Variants in BAHCC1 observed in about 807,000 individuals in gnomAD.
The protein encoded by BAHCC1 is BAH and coiled-coil domain-containing protein 1.
BAHCC1 carries 43 observed loss-of-function variants against 88.2 expected under a neutral mutation model. The observed-to-expected ratio is 0.49, with a 90% CI of 0.38 to 0.63. The LOEUF (loss-of-function observed/expected upper bound fraction) is 0.63, where lower values mean the gene tolerates loss of function less well. Among genes scored for constraint, BAHCC1 ranks in the 20% least tolerant of loss-of-function variants. BAHCC1 has a pLI of 0.00. For missense variants in BAHCC1, 3,023 were observed against 1,654.8 expected (o/e 1.83, Z -14.34); for synonymous variants, 1,510 against 745.5 (o/e 2.03, Z -16.71).
In BAHCC1 at chr17:81,405,771, A is replaced by T. The variant is rs1208309499; in HGVS notation, c.178+5854A>T. 2.0e-5 allele frequency among the ~76,000 whole-genome samples: 3 copies of T among 152,122 alleles called. No homozygotes were observed. The South Asian group carries it at 6.2e-4, about 31-fold the overall frequency. ...GCTTCCTCCCTACCATAAATACCTG[A>T]ATATAGGCCCATAACAAATGGGACC... On this transcript the variant is annotated intron_variant, in intron 2 of 27. Transcript: ENST00000675386.
Position 81,463,717 on chromosome 17 carries a change from G to C in BAHCC1, c.7727G>C (p.Arg2576Pro), listed in dbSNP as rs374906493. Residue 2576 changes from arginine (R) to proline (P), a missense_variant, in exon 28 of 28, where the codon CGC becomes CCC. Physicochemically the swap from Arg to Pro is moderately radical, Grantham distance 103. Coordinates refer to ENST00000675386, the MANE Select transcript of BAHCC1 (RefSeq NM_001377448.1). The part of the protein sequence containing the change: ...REQYEQMARS[R>P]KCQDRQDLYY... ...CAGTATGAGCAGATGGCCCGGAGCC[G>C]CAAGTGCCAGGACCGGCAGGACCTC... The C allele has an allele frequency of 9.0e-6, 7 of 779,258 alleles. No individual in the cohort carries two copies. Among genetic ancestry groups the C allele is most frequent in the Admixed American group, 3.4e-5 (2 of 59,000 alleles). 48.3% of individuals were successfully genotyped at this position (779,258 alleles called of 1,614,324 possible).
At chr17:81,413,298 CT>C in intron 2 of BAHCC1, 1 of 220,758 alleles carries the variant, frequency 4.5e-6, no homozygotes, top group Non-Finnish European at 9.5e-6. Context: ...CCTCGGCCTC[CT>C]TCCCTGTGAC....
rs368421163 is a variant in BAHCC1 at position 81,399,909 on chromosome 17, C to T, written c.170C>T (p.Ser57Leu). The T allele has an allele frequency of 1.4e-6, 2 of 1,443,800 alleles. No individual in the cohort carries two copies. The highest frequency in any genetic ancestry group is 3.0e-5 in the African/African-American group (2 of 67,316). The allele number at this position is 1,443,800 out of a possible 1,614,324, so 89.4% of individuals were successfully genotyped here. ...TTCCCGTCGCCGTTGCCCATGGCTT[C>T]GCACACAGGTCAGTGCTCGGCCGGG... Reference protein sequence around the residue: ...KYFPSPLPMASHTASSRLMGS... With the variant: ...KYFPSPLPMALHTASSRLMGS... Residue 57 changes from serine to leucine, a missense_variant, in exon 2 of 28, where the codon TCG becomes TTG. Ser to Leu is a moderately radical substitution (Grantham distance 145). Coordinates refer to ENST00000675386, the MANE Select transcript of BAHCC1 (RefSeq NM_001377448.1). The surrounding 1 kb of genome is among the most constrained non-coding windows in gnomAD (Gnocchi z 4.5).
At chr17:81,433,317 G>A (rs909187092) in intron 3 of BAHCC1, among the ~76,000 whole-genome samples, 3 of 152,202 alleles carry the variant, frequency 2.0e-5, no homozygotes, top group Non-Finnish European at 4.4e-5. Flanking sequence ...GGGAGCAGGG[G>A]TGTATGGCAG....
At position 81,456,488 on chromosome 17, in the gene BAHCC1, G is replaced by A; in HGVS notation, c.4761G>A (p.Val1587=). 1 of 720,066 alleles carries A rather than the reference G, an allele frequency of 1.4e-6. No homozygotes were observed. The highest frequency in any genetic ancestry group is 2.6e-6 in the Non-Finnish European group (1 of 386,832). 44.6% of individuals were successfully genotyped at this position (720,066 alleles called of 1,614,324 possible). A position where few individuals can be genotyped will look rare whatever the true frequency, so the allele number is the denominator to read the frequency against. ...TGTCCCGAGCCAAGAGTGCCAAGGT[G>A]TCTGGGGCCACACGGCACCCACAGC... ...EKLSRAKSAK[V]SGATRHPQPK... is the part of the protein sequence containing the mutation. Residue 1587 remains valine, a synonymous_variant, in exon 16 of 28, where the codon GTG becomes GTA. Transcript: ENST00000675386.
At chr17:81,397,497 C>G (rs1555645107) in intron 1 of BAHCC1, among the ~76,000 whole-genome samples, 1 of 152,158 alleles carries the variant, frequency 6.6e-6, no homozygotes. Context: ...GCCCCCGGCC[C>G]CTCTCCGGCC....
chr17:81,397,694 G>C (rs533211155), intron 1 of BAHCC1, among the ~76,000 whole-genome samples: 5 of 152,254 alleles, frequency 3.3e-5, no homozygotes, highest in South Asian at 2.1e-4. Context: ...AGCACTCTCC[G>C]GGCCCTGGCG....
chr17:81,418,797 G>GTGTGTGTGTGTGTGCGCA (rs1555649130), intron 2 of BAHCC1, among the ~76,000 whole-genome samples: 6 of 19,026 alleles, frequency 3.2e-4, no homozygotes, highest in Non-Finnish European at 1.1e-3. Context: ...ACGTGTGTGC[G>GTGTGTGTGTGTGTGCGCA]TGTGTGTGTG....
intron 4 of BAHCC1, among the ~76,000 whole-genome samples, chr17:81,440,572 C>T (rs1025041776): frequency 6.6e-6 from 1 of 152,220 alleles, no homozygotes; most frequent in Non-Finnish European, 1.5e-5. Context: ...ACCCACCCAG[C>T]TGGGTGTGGA....
intron 4 of BAHCC1, among the ~76,000 whole-genome samples, chr17:81,439,014 C>T (rs1454823148): frequency 2.6e-5 from 4 of 152,180 alleles, no homozygotes; most frequent in Non-Finnish European, 4.4e-5. Flanking sequence ...AGGGGCTGCT[C>T]ACCCCATTGG....
At chr17:81,407,327 C>T (rs782490897) in intron 2 of BAHCC1, 12 of 519,788 alleles carry the variant, frequency 2.3e-5, no homozygotes, top group African/African-American at 1.9e-4. Context: ...GAAGCCTTAG[C>T]CATATTAAGT....
intron 6 of BAHCC1, 43 bp from the exon 7 acceptor site, chr17:81,444,338 G>A: frequency 1.4e-6 from 1 of 708,650 alleles, no homozygotes; most frequent in Non-Finnish European, 2.6e-6. Context: ...ATGGGGAGCT[G>A]GGCCTTGGCG....
intron 2 of BAHCC1, chr17:81,413,216 C>A (rs1230347170): frequency 1.4e-5 from 4 of 292,778 alleles, no homozygotes; most frequent in East Asian, 1.5e-4. Context: ...CTGACCATGC[C>A]CCCCCCGGGC....
chr17:81,438,280 CCTGCCGG>C, intron 3 of BAHCC1, 83 bp from the exon 4 acceptor site: 1 of 740,574 alleles, frequency 1.4e-6, no homozygotes, highest in Non-Finnish European at 2.5e-6. Context: ...TCCTGGGCTG[CCTGCCGG>C]CTTCTTGCCT....
Position 81,461,070 on chromosome 17 carries a change from A to G in BAHCC1, c.6407A>G (p.Glu2136Gly). The G allele has an allele frequency of 1.3e-6, 1 of 770,472 alleles. No individual in the cohort carries two copies. Among genetic ancestry groups the G allele is most frequent in the Non-Finnish European group, 2.4e-6 (1 of 416,990 alleles). The allele number at this position is 770,472 out of a possible 1,614,324, so 47.7% of individuals were successfully genotyped here. ...AGCAGCAAGAAGCTGCGGGCCCGCG[A>G]GGCCCTGTTCCCCGTGCACAGCGTG... ...NGSSKKLRAR[E>G]ALFPVHSVAT... Residue 2136 changes from glutamate to glycine, a missense_variant, in exon 26 of 28, where the codon GAG becomes GGG. Transcript: ENST00000675386.
rs540346533 is a variant in BAHCC1 at position 81,461,815 on chromosome 17, C to G, written c.7152C>G (p.His2384Gln). 2.2e-5 allele frequency: 16 copies of G among 717,198 alleles called. No homozygotes were observed. Among genetic ancestry groups the G allele is most frequent in the South Asian group, 1.8e-4 (12 of 67,612 alleles). 44.4% of individuals were successfully genotyped at this position (717,198 alleles called of 1,614,324 possible). ...TGCGCTCCAAGGGCAGCGGCCCTCA[C>G]GCGCATGCCCAGCGCTGCTTCCTGT... ...EALRSKGSGP[H>Q]AHAQRCFLSR... Residue 2384 changes from histidine to glutamine, a missense_variant, in exon 26 of 28, where the codon CAC (histidine) becomes CAG (glutamine). Transcript: ENST00000675386.
rs577901134 is a variant in BAHCC1, at chr17:81,435,939, T to G, written c.359-2431T>G. ...CATAAAAATCATTTTTAAATTTTCT[T>G]TCTCAGTTTTGAGAGTATGGTCTTA... On this transcript the variant is annotated intron_variant, in intron 3 of 27. Coordinates refer to ENST00000675386, the MANE Select transcript of BAHCC1 (RefSeq NM_001377448.1). This position sits in a 1 kb window ranked among gnomAD's most constrained non-coding sequence, Gnocchi z 4.4. Among the ~76,000 whole-genome samples, 16 of 151,944 alleles carry G rather than the reference T, an allele frequency of 1.1e-4. No individual in the cohort carries two copies. The highest frequency in any genetic ancestry group is 3.6e-4 in the African/African-American group (15 of 41,580).
intron 18 of BAHCC1, 60 bp downstream of exon 18, chr17:81,458,526 C>A: frequency 1.5e-6 from 1 of 646,654 alleles, no homozygotes; most frequent in Non-Finnish European, 2.8e-6. Flanking sequence ...GAAAGGCCTT[C>A]CCCGCCCTCC....
chr17:81,437,660 C>T (rs1568014214), intron 3 of BAHCC1, among the ~76,000 whole-genome samples: 2 of 152,352 alleles, frequency 1.3e-5, no homozygotes, highest in East Asian at 3.9e-4. Flanking sequence ...GGGCAGGCCG[C>T]TCAGAAATGT....
Sources: gnomAD v4.1 joint callset for allele counts (sites outside exome capture counted in the v4.1 genomes callset) on GRCh38, gnomAD v4.1.1 for gene constraint, Gnocchi (gnomAD v3.1) non-coding constraint, MANE v1.5 for transcripts, NCBI Gene and HGNC (gene_info 2026-07-23, HGNC 2026-07-21) for gene names.